Variants in DMD observed in about 807,000 individuals in gnomAD.
The protein encoded by DMD is dystrophin, also known as mutant dystrophin.
Under a neutral mutation model 330.1 loss-of-function variants are expected in DMD, and 63 were observed. The ratio of observed to expected loss-of-function variants is 0.19; its 90% CI spans 0.16 to 0.24. The LOEUF (loss-of-function observed/expected upper bound fraction) is 0.24, where lower values mean the gene tolerates loss of function less well. Among genes scored for constraint, DMD ranks in the 10% least tolerant of loss-of-function variants. The pLI, the probability that DMD is intolerant of heterozygous loss-of-function variation, is 1.00. For missense variants in DMD, 3,344 were observed against 2,684.1 expected (o/e 1.25, Z -5.43); for synonymous variants, 1,223 against 959.8 (o/e 1.27, Z -5.07).
At chrX:32,564,660 C>A (rs1249035379) in intron 16 of DMD, among the ~76,000 whole-genome samples, 2 of 111,442 alleles carry the variant, frequency 1.8e-5, no homozygotes, top group Non-Finnish European at 3.8e-5. Flanking sequence ...AATTTTTTAA[C>A]GTAAAATTGG....
intron 63 of DMD, among the ~76,000 whole-genome samples, chrX:31,243,040 G>C (rs1260668131): frequency 1.8e-5 from 2 of 111,156 alleles, no homozygotes; most frequent in Non-Finnish European, 3.8e-5. Context: ...CAATGAACAG[G>C]GATCATGCCT....
At chrX:32,172,969 A>G (rs1235497072) in intron 44 of DMD, among the ~76,000 whole-genome samples, 1 of 110,557 alleles carries the variant, frequency 9.0e-6, no homozygotes, top group Non-Finnish European at 1.9e-5. Flanking sequence ...CTGGCTAAGT[A>G]TTTGTTGCAG....
intron 2 of DMD, among the ~76,000 whole-genome samples, chrX:32,928,184 G>C (rs749928843): frequency 9.1e-6 from 1 of 110,058 alleles, no homozygotes; most frequent in East Asian, 2.8e-4. Context: ...GACTTTATTC[G>C]ATCTCTTTGA....
intron 1 of DMD, among the ~76,000 whole-genome samples, chrX:33,107,524 A>T (rs1177735654): frequency 1.8e-5 from 2 of 111,713 alleles, no homozygotes; most frequent in African/African-American, 6.5e-5. Flanking sequence ...TTTTAAATTT[A>T]GAAATTCATA....
At chrX:32,271,035 C>T (rs906991573) in intron 43 of DMD, among the ~76,000 whole-genome samples, 14 of 111,137 alleles carry the variant, frequency 1.3e-4, no homozygotes. Context: ...TATCAGGATG[C>T]TACTATTTTA....
chrX:33,202,332 G>A (rs756981053), intron 1 of DMD, among the ~76,000 whole-genome samples: 7 of 111,285 alleles, frequency 6.3e-5, no homozygotes, highest in East Asian at 2.8e-4. Flanking sequence ...ACTCTACCAC[G>A]TACCAGCTGA....
At chrX:32,907,634 G>A (rs889306729) in intron 2 of DMD, among the ~76,000 whole-genome samples, 12 of 111,826 alleles carry the variant, frequency 1.1e-4, no homozygotes, top group African/African-American at 3.6e-4. Context: ...TTCAGACACT[G>A]AGAGTGGAAC....
intron 7 of DMD, among the ~76,000 whole-genome samples, chrX:32,732,749 G>T (rs1307810057): frequency 9.1e-6 from 1 of 110,312 alleles, no homozygotes. Context: ...CCCTAAAAGA[G>T]CTCCTGAAGG....
At chrX:32,088,792 T>A (rs1398621410) in intron 44 of DMD, among the ~76,000 whole-genome samples, 1 of 110,353 alleles carries the variant, frequency 9.1e-6, no homozygotes, top group Non-Finnish European at 1.9e-5. Context: ...ATGGCCTTGA[T>A]CCTTTCCTTT....
intron 27 of DMD, among the ~76,000 whole-genome samples, chrX:32,444,764 G>C (rs2098296624): frequency 9.0e-6 from 1 of 110,812 alleles, no homozygotes; most frequent in African/African-American, 3.3e-5. Flanking sequence ...AGTTTGAATA[G>C]TTAGGCAATT....
chrX:32,255,085 A>T (rs2097292912), intron 43 of DMD, among the ~76,000 whole-genome samples: 1 of 112,128 alleles, frequency 8.9e-6, no homozygotes, highest in Non-Finnish European at 1.9e-5. Flanking sequence ...TCCAAAGTTC[A>T]TCCCTATTTT....
intron 55 of DMD, among the ~76,000 whole-genome samples, chrX:31,608,770 GA>G (rs1214466354): frequency 9.0e-6 from 1 of 111,004 alleles, no homozygotes; most frequent in East Asian, 2.8e-4. Context: ...GGCCTAGGCT[GA>G]AAACTGTCAC....
chrX:32,129,728 GGAGAGAGA>G lies in DMD; in HGVS notation c.6438+87180_6438+87187del, dbSNP rs775873181. Among the ~76,000 whole-genome samples, 29 of 21,436 alleles carry G rather than the reference GGAGAGAGA, an allele frequency of 1.4e-3. No individual in the cohort carries two copies. The East Asian group carries it at 0.18, about 136-fold the overall frequency. 18.6% of individuals were successfully genotyped at this position (21,436 alleles called of 115,157 possible). ...TATGGAGAGAGAGAGAGAGAGGGAGGGAGAGAGAGAGAGAGAGAGAGAGAGAGAAAATT... is the reference window on the plus strand; with the variant it reads ...TATGGAGAGAGAGAGAGAGAGGGAGGGAGAGAGAGAGAGAGAGAGAAAATT... On this transcript the variant is annotated intron_variant, in intron 44 of 78. Transcript: ENST00000357033.
intron 7 of DMD, among the ~76,000 whole-genome samples, chrX:32,807,411 T>C (rs12006750): frequency 4.3e-4 from 48 of 111,414 alleles, no homozygotes; most frequent in African/African-American, 1.5e-3. Context: ...TTTACAGATA[T>C]GAGATTTTAT....
chrX:31,522,800 G>T (rs1419409685), intron 55 of DMD, among the ~76,000 whole-genome samples: 1 of 111,405 alleles, frequency 9.0e-6, no homozygotes, highest in African/African-American at 3.3e-5. Flanking sequence ...GTGTGGAAGG[G>T]AGAGTGGTGT....
chrX:32,459,385 C>T (rs971917232), intron 25 of DMD, among the ~76,000 whole-genome samples: 7 of 110,988 alleles, frequency 6.3e-5, no homozygotes, highest in Non-Finnish European at 7.6e-5. Context: ...TAAGAGTTTA[C>T]GAATTATCCA....
chrX:33,000,928 C>T (rs1331178468), intron 2 of DMD, among the ~76,000 whole-genome samples: 10 of 111,048 alleles, frequency 9.0e-5, no homozygotes, highest in East Asian at 2.8e-4. Flanking sequence ...ACTACATCTA[C>T]CATTCATTTC....
chrX:31,319,570 A>G (rs913400434), intron 62 of DMD, among the ~76,000 whole-genome samples: 1 of 112,323 alleles, frequency 8.9e-6, no homozygotes, highest in Admixed American at 9.4e-5. Context: ...TTTACAATGC[A>G]TTATTAAGAA....
rs144785840 is a variant in DMD at position 31,488,682 on chromosome X, T to A, written c.8547+8106A>T. Among the ~76,000 whole-genome samples, 984 of 112,144 alleles carry A rather than the reference T, an allele frequency of 8.8e-3. 8 individuals are homozygous for A. Among genetic ancestry groups the A allele is most frequent in the African/African-American group, 0.03 (924 of 30,840 alleles). On this transcript the variant is annotated intron_variant, in intron 57 of 78. Transcript: ENST00000357033. ...TCCAAATATATCTTCGATCAAATAA[T>A]TATTCACCATACCTATCATTTCCAC...
Sources: allele counts gnomAD v4.1 joint callset (sites outside exome capture counted in the v4.1 genomes callset), GRCh38; gene constraint gnomAD v4.1.1; transcripts MANE v1.5; gene names NCBI Gene and HGNC (gene_info 2026-07-23, HGNC 2026-07-21).